The following MATCAP2 variants were observed in gnomAD, a reference collection of about 807,000 sequenced individuals.
The protein encoded by MATCAP2 is putative tyrosine carboxypeptidase MATCAP2.
At chr7:36,366,709 A>G in the MATCAP2 span, 1 of 1,535,280 alleles carries the variant, frequency 6.5e-7, no homozygotes, top group Non-Finnish European at 8.7e-7. Flanking sequence ...CTTACTGATA[A>G]TAAGTGACGA....
chr7:36,330,680 A>G, the MATCAP2 span, among the ~76,000 whole-genome samples: 1 of 152,172 alleles, frequency 6.6e-6, no homozygotes. Flanking sequence ...TATGGGGGGA[A>G]GTGTTTTAGG....
the MATCAP2 span, among the ~76,000 whole-genome samples, chr7:36,377,287 G>T: frequency 1.3e-5 from 2 of 152,162 alleles, no homozygotes; most frequent in African/African-American, 4.8e-5. Context: ...CTCTTGTAAG[G>T]CAGGCCTGGT....
At chr7:36,388,644 C>A in the MATCAP2 span, among the ~76,000 whole-genome samples, 1 of 152,140 alleles carries the variant, frequency 6.6e-6, no homozygotes, top group South Asian at 2.1e-4. Flanking sequence ...AATTATGTAA[C>A]CTATCTTACA....
At chr7:36,376,051 A>G in the MATCAP2 span, among the ~76,000 whole-genome samples, 2 of 152,050 alleles carry the variant, frequency 1.3e-5, no homozygotes, top group Non-Finnish European at 2.9e-5. Flanking sequence ...TCCTGGATTC[A>G]TTGATTTTTT....
At chr7:36,348,970 A>G in the MATCAP2 span, among the ~76,000 whole-genome samples, 3 of 152,254 alleles carry the variant, frequency 2.0e-5, no homozygotes. Flanking sequence ...AGAAAAACAA[A>G]GAAAAACACA....
the MATCAP2 span, among the ~76,000 whole-genome samples, chr7:36,379,841 C>CAGAGAGAGAGAG: frequency 0.028 from 3,486 of 126,230 alleles, 43 homozygotes; most frequent in East Asian, 0.053. Context: ...CACACACACA[C>CAGAGAGAGAGAG]ACACACAGAG....
chr7:36,354,720 A>G, the MATCAP2 span, among the ~76,000 whole-genome samples: 2 of 152,216 alleles, frequency 1.3e-5, no homozygotes, highest in Non-Finnish European at 2.9e-5. Flanking sequence ...AAGTGGTTTA[A>G]ACAGTATACT....
chr7:36,357,191 C>T, the MATCAP2 span: 1 of 1,614,116 alleles, frequency 6.2e-7, no homozygotes, highest in Non-Finnish European at 8.5e-7. Flanking sequence ...TATGCCATTC[C>T]CTGTAACAGA....
chr7:36,385,233 G>A, the MATCAP2 span, among the ~76,000 whole-genome samples: 6 of 152,146 alleles, frequency 3.9e-5, no homozygotes, highest in Non-Finnish European at 5.9e-5. Flanking sequence ...ACAAAGATGC[G>A]AATTCTCTCC....
chr7:36,353,443 G>A, the MATCAP2 span, among the ~76,000 whole-genome samples: 7 of 150,188 alleles, frequency 4.7e-5, no homozygotes, highest in Admixed American at 6.6e-5. Context: ...GAATAGAGGG[G>A]TTGCCAGAAT....
the MATCAP2 span, chr7:36,366,733 C>A: frequency 6.5e-7 from 1 of 1,535,352 alleles, no homozygotes; most frequent in Non-Finnish European, 8.7e-7. Context: ...GATAAGGGGC[C>A]GATTTCTCTC....
At chr7:36,380,304 A>G in the MATCAP2 span, among the ~76,000 whole-genome samples, 1 of 152,172 alleles carries the variant, frequency 6.6e-6, no homozygotes, top group Non-Finnish European at 1.5e-5. Context: ...ATTTGCAGAG[A>G]GTAAACGGGT....
chr7:36,382,544 G>A, the MATCAP2 span, among the ~76,000 whole-genome samples: 2,270 of 152,016 alleles, frequency 0.015, 15 homozygotes, highest in Non-Finnish European at 0.024. Context: ...CCAGGCAGGA[G>A]TGCAGTGGCG....
the MATCAP2 span, chr7:36,334,109 C>G: frequency 6.2e-7 from 1 of 1,614,054 alleles, no homozygotes; most frequent in African/African-American, 1.3e-5. Flanking sequence ...TACGTCCAGT[C>G]CAACTGTTCC....
At chr7:36,326,740 G>A in the MATCAP2 span, 1 of 1,602,212 alleles carries the variant, frequency 6.2e-7, no homozygotes, top group African/African-American at 1.3e-5. Flanking sequence ...GCTTAGCTAT[G>A]TTTGCCAGAA....
chr7:36,385,760 T>C, the MATCAP2 span, among the ~76,000 whole-genome samples: 145,948 of 150,782 alleles, frequency 0.97, 70,817 homozygotes, highest in South Asian at 1. Context: ...CACTCCAGCC[T>C]GGGTGACAGA....
the MATCAP2 span, among the ~76,000 whole-genome samples, chr7:36,367,443 C>T: frequency 6.6e-6 from 1 of 152,122 alleles, no homozygotes; most frequent in Non-Finnish European, 1.5e-5. Flanking sequence ...CGCATATTGA[C>T]TGATCTTTCA....
chr7:36,341,597 C>G, the MATCAP2 span, among the ~76,000 whole-genome samples: 2 of 152,140 alleles, frequency 1.3e-5, no homozygotes, highest in Non-Finnish European at 2.9e-5. Context: ...GTGATTAGTG[C>G]CTTTATAAAA....
the MATCAP2 span, among the ~76,000 whole-genome samples, chr7:36,389,430 G>A: frequency 1.5e-4 from 22 of 151,712 alleles, no homozygotes; most frequent in Non-Finnish European, 2.4e-4. Context: ...TAGTGAGATC[G>A]CAGCTCACTG....
Sources: gnomAD v4.1 joint callset for allele counts (sites outside exome capture counted in the v4.1 genomes callset) on GRCh38, gnomAD v4.1.1 for gene constraint, MANE v1.5 for transcripts, NCBI Gene and HGNC (gene_info 2026-07-23, HGNC 2026-07-21) for gene names.